LPCAT4: variants seen among roughly 807,000 people sequenced by gnomAD.
The protein encoded by LPCAT4 is lysophospholipid acyltransferase LPCAT4.
Under a neutral mutation model 66.5 loss-of-function variants are expected in LPCAT4, and 30 were observed. The observed-to-expected ratio is 0.45, with a 90% confidence interval of 0.34 to 0.61. The LOEUF (loss-of-function observed/expected upper bound fraction) is 0.61, where lower values mean the gene tolerates loss of function less well. LPCAT4 is among the 20% of genes least tolerant of loss of function. LPCAT4 has a pLI of 0.01. For synonymous variants in LPCAT4, 253 were observed against 262.1 expected (o/e 0.97, Z 0.34); for missense variants, 557 against 656.7 (o/e 0.85, Z 1.66).
Position 34,363,320 on chromosome 15 carries a change from T to G in LPCAT4, c.746+102A>C. 2 of 1,267,028 alleles carry G rather than the reference T, an allele frequency of 1.6e-6. No homozygotes were observed. Among genetic ancestry groups the G allele is most frequent in the Non-Finnish European group, 2.2e-6 (2 of 892,794 alleles). The allele number at this position is 1,267,028 out of a possible 1,614,324, so 78.5% of individuals were successfully genotyped here. Reference sequence around the variant, plus strand: ...CTCTAGAGTTCTCTCAGTCCTCAGATGAAGAAGGGCCATTCACCTTGTCGG... The same window carrying G: ...CTCTAGAGTTCTCTCAGTCCTCAGAGGAAGAAGGGCCATTCACCTTGTCGG... On this transcript the variant is annotated intron_variant, in intron 7 of 13. Transcript: ENST00000314891. This position sits in a 1 kb window ranked among gnomAD's most constrained non-coding sequence, Gnocchi z 4.3.
chr15:34,363,790 G>T lies in LPCAT4; in HGVS notation c.653-71C>A. ...CACAGAAGTAGCTAGAGGGCATGAG[G>T]TATGGCAGTCTGGGACAGTTCTCAA... On this transcript the variant is annotated intron_variant, in intron 5 of 13. Coordinates refer to ENST00000314891, the MANE Select transcript of LPCAT4 (RefSeq NM_153613.3). The surrounding 1 kb of genome is among the most constrained non-coding windows in gnomAD (Gnocchi z 4.3). The T allele has an allele frequency of 6.4e-7, 1 of 1,551,118 alleles. No individual in the cohort carries two copies. The highest frequency in any genetic ancestry group is 8.9e-7 in the Non-Finnish European group (1 of 1,122,922).
rs577609067 is a variant in LPCAT4 at position 34,367,167 on chromosome 15, C to T, written c.-67G>A. ...CGGCCACCACTCTGCAGAGCAGCTG[C>T]TGCTGCAGCAGCGGCGGCGGCGGCG... On this transcript the variant is annotated 5_prime_UTR_variant, in exon 1 of 14. Transcript: ENST00000314891. 6 of 1,320,534 alleles carry T rather than the reference C, an allele frequency of 4.5e-6. No individual in the cohort carries two copies. In the East Asian group the frequency reaches 2.0e-4, roughly 43 times the overall value. 81.8% of individuals were successfully genotyped at this position (1,320,534 alleles called of 1,614,324 possible).
intron 3 of LPCAT4, 65 bp downstream of exon 3, chr15:34,364,943 T>C (rs1289213954): frequency 7.1e-7 from 1 of 1,408,130 alleles, no homozygotes; most frequent in South Asian, 1.3e-5. Flanking sequence ...CTCCAGTGTC[T>C]CCATTCCTGA....
In LPCAT4 at chr15:34,362,666, G is replaced by C. The variant is rs372489635; in HGVS notation, c.802-11C>G. The C allele has an allele frequency of 4.4e-6, 7 of 1,607,356 alleles. No homozygotes were observed. In the African/African-American group the frequency reaches 9.4e-5, roughly 21 times the overall value. On this transcript the variant is annotated splice_polypyrimidine_tract_variant and intron_variant, in intron 8 of 13. Transcript: ENST00000314891. ...ATACACAGGAAGGAACTGAAACACA[G>C]ACACACACAATTCTTATCAGAACCT...
chr15:34,361,426 C>T lies in LPCAT4; in HGVS notation c.1117G>A (p.Ala373Thr). ...QLQLSDPQTV[A>T]GAFGYFQQDT... ...TGCTGGAAGTAGCCAAAGGCACCAG[C>T]CACCGTCTGAGGATCAGAGAGCTGT... Residue 373 changes from alanine to threonine, a missense_variant, in exon 11 of 14, where the codon GCT (alanine) becomes ACT (threonine). Around this residue, in one of 4 missense-constraint regions of LPCAT4, gnomAD observed 392 missense variants for 473.9 expected, o/e 0.83. Coordinates refer to ENST00000314891, the MANE Select transcript of LPCAT4 (RefSeq NM_153613.3). 6.2e-7 allele frequency: 1 copy of T among 1,614,200 alleles called. No individual in the cohort carries two copies. Among genetic ancestry groups the T allele is most frequent in the African/African-American group, 1.3e-5 (1 of 75,056 alleles).
rs1890999296 is a variant in LPCAT4 at position 34,363,534 on chromosome 15, G to GT, written c.712-79_712-78insA. 3.1e-6 allele frequency: 5 copies of GT among 1,602,174 alleles called. No individual in the cohort carries two copies. The Admixed American group carries it at 8.4e-5, about 27-fold the overall frequency. ...ACTGGCCAATCACCTTTGAACAGAG[G>GT]GCCTGATCCCACCTCTGGTCACAGC... On this transcript the variant is annotated intron_variant, in intron 6 of 13. Coordinates refer to ENST00000314891, the MANE Select transcript of LPCAT4 (RefSeq NM_153613.3). This position sits in a 1 kb window ranked among gnomAD's most constrained non-coding sequence, Gnocchi z 4.3.
In LPCAT4 at chr15:34,359,258, G is replaced by C; in HGVS notation, c.1444C>G (p.Leu482Val). 6.4e-7 allele frequency: 1 copy of C among 1,557,834 alleles called. No individual in the cohort carries two copies. The highest frequency in any genetic ancestry group is 1.2e-5 in the South Asian group (1 of 84,228). ...FSLHDPLYGK[L>V]FSTYLRPPHT... is the part of the protein sequence containing the mutation. ...GGGGGGCGCAGGTAGGTGCTGAAGA[G>C]TTTCCCATAGAGTGGGTCATGGAGG... is the stretch of plus-strand genomic sequence containing the variant. The change falls in exon 14 of 14, where the codon CTC (leucine) becomes GTC (valine). Residue 482 changes from leucine (L) to valine (V), a missense_variant. Physicochemically the swap from Leu to Val is conservative, Grantham distance 32. Around this residue, in one of 4 missense-constraint regions of LPCAT4, gnomAD observed 392 missense variants for 473.9 expected, o/e 0.83. Transcript: ENST00000314891.
In LPCAT4 at chr15:34,363,499, T is replaced by C; in HGVS notation, c.712-43A>G. Reference sequence around the variant, plus strand: ...GTGAGGGCATAAGAGCATTACTTTTTCCCCCTGGAACTGGCCAATCACCTT... The same window carrying C: ...GTGAGGGCATAAGAGCATTACTTTTCCCCCCTGGAACTGGCCAATCACCTT... On this transcript the variant is annotated intron_variant, in intron 6 of 13. Coordinates refer to ENST00000314891, the MANE Select transcript of LPCAT4 (RefSeq NM_153613.3). This position sits in a 1 kb window ranked among gnomAD's most constrained non-coding sequence, Gnocchi z 4.3. The C allele has an allele frequency of 6.2e-7, 1 of 1,613,116 alleles. No individual in the cohort carries two copies. Among genetic ancestry groups the C allele is most frequent in the Non-Finnish European group, 8.5e-7 (1 of 1,179,388 alleles).
chr15:34,366,539 G>C (rs1258535901), intron 1 of LPCAT4, among the ~76,000 whole-genome samples: 1 of 152,048 alleles, frequency 6.6e-6, no homozygotes, highest in East Asian at 1.9e-4. Context: ...AGTGTAGGAA[G>C]GGCACAGGGT....
intron 7 of LPCAT4, 121 bp from the exon 8 acceptor site, chr15:34,362,957 A>C: frequency 1.1e-6 from 1 of 935,270 alleles, no homozygotes; most frequent in Admixed American, 2.0e-5. Flanking sequence ...GCCCATTGAT[A>C]ATAGGGACAG....
Position 34,364,242 on chromosome 15 carries a change from C to T in LPCAT4, c.543G>A (p.Val181=). Residue 181 remains valine, a synonymous_variant, in exon 4 of 14, where the codon GTG becomes GTA. Coordinates refer to ENST00000314891, the MANE Select transcript of LPCAT4 (RefSeq NM_153613.3). ...TGGCCCGCCTTCGGACCTCCTCCAC[C>T]ACTCTGCGTCGAGAAGCCGGGTCAT... ...SRHDPASRRR[V]VEEVRRRATS... 1 of 1,614,112 alleles carries T rather than the reference C, an allele frequency of 6.2e-7. No homozygotes were observed. Among genetic ancestry groups the T allele is most frequent in the Non-Finnish European group, 8.5e-7 (1 of 1,179,950 alleles).
At position 34,359,028 on chromosome 15, in the gene LPCAT4, C is replaced by T; in HGVS notation, c.*99G>A. On this transcript the variant is annotated 3_prime_UTR_variant, in exon 14 of 14. Transcript: ENST00000314891. ...TCAACTTAAAAAAACAACAACCAAA[C>T]AACAATAACAAAATTCAAACAGGAG... 1 of 998,940 alleles carries T rather than the reference C, an allele frequency of 1.0e-6. No homozygotes were observed. The highest frequency in any genetic ancestry group is 1.4e-6 in the Non-Finnish European group (1 of 734,998). The allele number at this position is 998,940 out of a possible 1,614,324, so 61.9% of individuals were successfully genotyped here.
chr15:34,365,517 G>A (rs369169605), intron 2 of LPCAT4, 42 bp downstream of exon 2: 3 of 1,612,720 alleles, frequency 1.9e-6, no homozygotes, highest in African/African-American at 2.7e-5. Context: ...ATAGACAGCA[G>A]GGAAGAGAAG....
chr15:34,362,190 A>T lies in LPCAT4; in HGVS notation c.1010+6T>A. 6.2e-7 allele frequency: 1 copy of T among 1,611,126 alleles called. No individual in the cohort carries two copies. The highest frequency in any genetic ancestry group is 8.5e-7 in the Non-Finnish European group (1 of 1,179,340). On this transcript the variant is annotated splice_donor_region_variant and intron_variant, in intron 10 of 13. Coordinates refer to ENST00000314891, the MANE Select transcript of LPCAT4 (RefSeq NM_153613.3). ...TGCTCATACCCTCATTTCCAAGACC[A>T]CTTACCCAGCCTTCCGAAGCACTTT...
intron 9 of LPCAT4, 110 bp downstream of exon 9, chr15:34,362,463 T>C (rs958242946): frequency 1.3e-4 from 182 of 1,401,228 alleles, no homozygotes; most frequent in Middle Eastern, 2.1e-4. Context: ...TCAAGAGCCC[T>C]TCCCACTGCC....
In LPCAT4 at chr15:34,361,391, C is replaced by G; in HGVS notation, c.1143+9G>C. 6.2e-7 allele frequency: 1 copy of G among 1,614,132 alleles called. No individual in the cohort carries two copies. The highest frequency in any genetic ancestry group is 8.5e-7 in the Non-Finnish European group (1 of 1,180,000). On this transcript the variant is annotated intron_variant, in intron 11 of 13. Coordinates refer to ENST00000314891, the MANE Select transcript of LPCAT4 (RefSeq NM_153613.3). ...GGTTCTGCTCTGCTCTTTGTTCCAG[C>G]TCCTTTACCTGCTGGAAGTAGCCAA...
chr15:34,359,719 A>G lies in LPCAT4; in HGVS notation c.1269T>C (p.Gly423=), dbSNP rs1489104002. 1 of 1,613,394 alleles carries G rather than the reference A, an allele frequency of 6.2e-7. No homozygotes were observed. The highest frequency in any genetic ancestry group is 8.5e-7 in the Non-Finnish European group (1 of 1,179,900). The stretch of plus-strand genomic sequence containing the variant: ...CGTCTTTGTACAGCAGGCGGTTGGG[A>G]CCCTCTGCTTGCTCTTCAGCAAAGA... ...FELFAEEQAE[G]PNRLLYKDGF... The change falls in exon 13 of 14, where the codon GGT becomes GGC. Residue 423 remains glycine (G), a synonymous_variant. Transcript: ENST00000314891.
At position 34,362,415 on chromosome 15, in the gene LPCAT4, C is replaced by T. The variant is rs1595619628; in HGVS notation, c.885-94G>A. ...CCCTGGCCCGCTGACTGGAGTAGAT[C>T]AGGCCCCTTTAAATCTCCCTGCCTC... On this transcript the variant is annotated intron_variant, in intron 9 of 13. Transcript: ENST00000314891. 3 of 1,520,606 alleles carry T rather than the reference C, an allele frequency of 2.0e-6. No individual in the cohort carries two copies. In the East Asian group the frequency reaches 6.8e-5, roughly 35 times the overall value. 94.2% of individuals were successfully genotyped at this position (1,520,606 alleles called of 1,614,324 possible). A position where few individuals can be genotyped will look rare whatever the true frequency, so the allele number is the denominator to read the frequency against.
At chr15:34,361,807 C>T (rs539456672) in intron 10 of LPCAT4, among the ~76,000 whole-genome samples, 149 of 152,176 alleles carry the variant, frequency 9.8e-4, no homozygotes, top group Non-Finnish European at 1.9e-3. Flanking sequence ...TCAAGCAATT[C>T]TCCTGCCTCA....
Sources: allele counts gnomAD v4.1 joint callset (sites outside exome capture counted in the v4.1 genomes callset), GRCh38; gene constraint gnomAD v4.1.1; regional missense constraint gnomAD v4.1.1; non-coding constraint Gnocchi (gnomAD v3.1); transcripts MANE v1.5; gene names NCBI Gene and HGNC (gene_info 2026-07-23, HGNC 2026-07-21).